SMURF1: variants seen among roughly 807,000 people sequenced by gnomAD.
SMURF1 encodes SMAD specific E3 ubiquitin protein ligase 1, also known as E3 ubiquitin-protein ligase SMURF1.
A neutral mutation model predicts 98.0 loss-of-function variants in SMURF1; 44 were observed. That is an observed-to-expected ratio of 0.45 (90% CI 0.35 to 0.58). SMURF1 has a LOEUF of 0.58. Among genes scored for constraint, SMURF1 ranks in the 20% least tolerant of loss-of-function variants. The pLI, the probability that SMURF1 is intolerant of heterozygous loss-of-function variation, is 0.00. For missense variants in SMURF1, 687 were observed against 938.4 expected (o/e 0.73, Z 3.50); for synonymous variants, 396 against 374.9 (o/e 1.06, Z -0.65).
chr7:99,113,507 T>C (rs1797366780), intron 1 of SMURF1, among the ~76,000 whole-genome samples: 1 of 152,174 alleles, frequency 6.6e-6, no homozygotes, highest in African/African-American at 2.4e-5. Context: ...AAACCTGCTC[T>C]ACAAGAAATG....
At chr7:99,063,663 G>A (rs1379267430) in intron 1 of SMURF1, among the ~76,000 whole-genome samples, 4 of 152,052 alleles carry the variant, frequency 2.6e-5, no homozygotes, top group African/African-American at 9.6e-5. Context: ...ATACTCATGG[G>A]TGGGACAACT....
intron 1 of SMURF1, among the ~76,000 whole-genome samples, chr7:99,069,046 T>G (rs1179328049): frequency 2.0e-5 from 3 of 152,196 alleles, no homozygotes; most frequent in African/African-American, 7.2e-5. Context: ...GTGGCTGTTC[T>G]TTGTTGTGAT....
At position 99,027,950 on chromosome 7, in the gene SMURF1, G is replaced by GAGAGC. The variant is rs979899756; in HGVS notation, c.*2629_*2633dup. ...GGCAGATTCTCTTTTCAGAACTTGA[G>GAGAGC]AGAGCCCTTTTCCGGTCGCCCCGGG... On this transcript the variant is annotated 3_prime_UTR_variant, in exon 18 of 18. Coordinates refer to ENST00000361368, the MANE Select transcript of SMURF1 (RefSeq NM_181349.3). The GAGAGC allele has an allele frequency of 2.6e-5, 4 of 152,704 alleles. No homozygotes were observed. The highest frequency in any genetic ancestry group is 4.8e-5 in the African/African-American group (2 of 41,468). 9.5% of individuals were successfully genotyped at this position (152,704 alleles called of 1,614,324 possible). A position where few individuals can be genotyped will look rare whatever the true frequency, so the allele number is the denominator to read the frequency against.
At chr7:99,035,832 C>G (rs935107523) in intron 15 of SMURF1, 116 bp from the exon 16 acceptor site, 5 of 965,280 alleles carry the variant, frequency 5.2e-6, no homozygotes, top group Non-Finnish European at 6.3e-6. Flanking sequence ...AAAGCAGCAG[C>G]TGTGTACTAG....
chr7:99,056,481 A>G (rs1031380657), intron 5 of SMURF1, among the ~76,000 whole-genome samples: 14 of 152,194 alleles, frequency 9.2e-5, no homozygotes, highest in African/African-American at 3.4e-4. Context: ...GACTGTACAA[A>G]TCATATTACA....
chr7:99,039,313 G>A (rs1280471402), intron 13 of SMURF1, among the ~76,000 whole-genome samples: 1 of 151,386 alleles, frequency 6.6e-6, no homozygotes, highest in African/African-American at 2.4e-5. Context: ...ATCTGCCATC[G>A]TTCTTGAGCC....
At chr7:99,086,432 A>G (rs1796682246) in intron 1 of SMURF1, among the ~76,000 whole-genome samples, 1 of 151,962 alleles carries the variant, frequency 6.6e-6, no homozygotes, top group South Asian at 2.1e-4. Context: ...AAGGATATGG[A>G]GAAACTGGAA....
At position 99,033,110 on chromosome 7, in the gene SMURF1, C is replaced by T. The variant is rs770696891; in HGVS notation, c.2023G>A (p.Ala675Thr). 26 of 1,579,938 alleles carry T rather than the reference C, an allele frequency of 1.6e-5. No individual in the cohort carries two copies. The highest frequency in any genetic ancestry group is 5.4e-5 in the African/African-American group (4 of 74,220). Residue 675 changes from alanine to threonine, a missense_variant, in exon 17 of 18, where the codon GCG becomes ACG. Around this residue, in one of 2 missense-constraint regions of SMURF1, gnomAD observed 272 missense variants for 430.0 expected, o/e 0.63. Coordinates refer to ENST00000361368, the MANE Select transcript of SMURF1 (RefSeq NM_181349.3). ...GFKALQGSTG[A>T]AGPRLFTIHL... ...ATGGTGAACAGCCGGGGCCCTGCCG[C>T]GCCTGTAGAACCTTACAAGACAACA... is the stretch of plus-strand genomic sequence containing the variant.
intron 11 of SMURF1, 49 bp from the exon 12 acceptor site, chr7:99,042,281 A>ATTT: frequency 8.9e-7 from 1 of 1,128,458 alleles, no homozygotes; most frequent in Non-Finnish European, 1.2e-6. Flanking sequence ...AAATTTCTAC[A>ATTT]TTTTTTTTTT....
At chr7:99,064,827 A>G (rs921802215) in intron 1 of SMURF1, among the ~76,000 whole-genome samples, 1 of 152,196 alleles carries the variant, frequency 6.6e-6, no homozygotes, top group African/African-American at 2.4e-5. Context: ...TTGTTACTCT[A>G]ATTACAAAAT....
intron 3 of SMURF1, among the ~76,000 whole-genome samples, chr7:99,057,943 T>C (rs1263269261): frequency 6.6e-6 from 1 of 152,154 alleles, no homozygotes; most frequent in African/African-American, 2.4e-5. Flanking sequence ...ATTTTCTCTT[T>C]AAGAAACCTT....
chr7:99,140,523 T>C (rs989907561), intron 1 of SMURF1, among the ~76,000 whole-genome samples: 1 of 152,094 alleles, frequency 6.6e-6, no homozygotes, highest in African/African-American at 2.4e-5. Context: ...CCTGACCTCG[T>C]GATCCGCCCC....
At chr7:99,102,268 T>C (rs1347050309) in intron 1 of SMURF1, among the ~76,000 whole-genome samples, 1 of 152,208 alleles carries the variant, frequency 6.6e-6, no homozygotes, top group African/African-American at 2.4e-5. Flanking sequence ...TTTGTACATA[T>C]TAATATCCTA....
At chr7:99,122,699 C>G (rs1239568888) in intron 1 of SMURF1, among the ~76,000 whole-genome samples, 1 of 149,378 alleles carries the variant, frequency 6.7e-6, no homozygotes, top group African/African-American at 2.5e-5. Flanking sequence ...AAGGCTCACT[C>G]CATAGCACTG....
At chr7:99,133,915 C>T (rs184018497) in intron 1 of SMURF1, among the ~76,000 whole-genome samples, 141 of 152,198 alleles carry the variant, frequency 9.3e-4, no homozygotes, top group Non-Finnish European at 1.7e-3. Context: ...CAGTAAGATT[C>T]CATTAATACA....
rs67705340 is a variant in SMURF1, at chr7:99,119,003, ATTTTTTTTTTTTTTTTTTT to A, written c.55+24704_55+24722del. Among the ~76,000 whole-genome samples the A allele has an allele frequency of 2.6e-4, 11 of 42,930 alleles. 1 individual carries two copies. The highest frequency in any genetic ancestry group is 1.3e-3 in the South Asian group (1 of 762). The allele number at this position is 42,930 out of a possible 152,430, so 28.2% of individuals were successfully genotyped here. On this transcript the variant is annotated intron_variant, in intron 1 of 17. Transcript: ENST00000361368. ...AGCCTCCTGAGAAGCTAACATGCCA[ATTTTTTTTTTTTTTTTTTT>A]TTTTTTTTTTTTTTTTTTTTTTAGA... is the stretch of plus-strand genomic sequence containing the variant.
chr7:99,128,303 T>C (rs1350888701), intron 1 of SMURF1, among the ~76,000 whole-genome samples: 1 of 152,214 alleles, frequency 6.6e-6, no homozygotes, highest in Non-Finnish European at 1.5e-5. Context: ...GACATTTGGC[T>C]GATGAGGTTA....
chr7:99,040,135 G>A (rs1338409808), intron 13 of SMURF1, among the ~76,000 whole-genome samples: 1 of 152,056 alleles, frequency 6.6e-6, no homozygotes, highest in Admixed American at 6.6e-5. Context: ...GGGTTTTTTT[G>A]TATTTTTTTG....
At chr7:99,126,056 CA>C (rs1340180225) in intron 1 of SMURF1, among the ~76,000 whole-genome samples, 1 of 152,186 alleles carries the variant, frequency 6.6e-6, no homozygotes, top group Non-Finnish European at 1.5e-5. Flanking sequence ...CAACTAGACT[CA>C]GGGGCGCTTT....
Sources: gnomAD v4.1 joint callset for allele counts (sites outside exome capture counted in the v4.1 genomes callset) on GRCh38, gnomAD v4.1.1 for gene constraint, gnomAD v4.1.1 regional missense constraint, MANE v1.5 for transcripts, NCBI Gene and HGNC (gene_info 2026-07-23, HGNC 2026-07-21) for gene names.